The following EPB41L2 variants were observed in gnomAD, a reference collection of about 807,000 sequenced individuals.
EPB41L2 encodes the protein erythrocyte membrane protein band 4.1 like 2.
Under a neutral mutation model 113.0 loss-of-function variants are expected in EPB41L2, and 43 were observed. The observed-to-expected ratio is 0.38, with a 90% CI of 0.30 to 0.49. EPB41L2 has a LOEUF of 0.49. Among genes scored for constraint, EPB41L2 ranks in the 20% least tolerant of loss-of-function variants. The pLI is 0.95. For missense variants in EPB41L2, 1,147 were observed against 1,223.4 expected (o/e 0.94, Z 0.93); for synonymous variants, 442 against 436.7 (o/e 1.01, Z -0.15).
At chr6:130,878,322 C>CA in intron 13 of EPB41L2, 72 bp from the exon 14 acceptor site, 1 of 1,453,092 alleles carries the variant, frequency 6.9e-7, no homozygotes, top group Non-Finnish European at 9.1e-7. Context: ...AAAATAAAAC[C>CA]AAAAAATAAG....
intron 14 of EPB41L2, among the ~76,000 whole-genome samples, chr6:130,877,570 A>G (rs1787966279): frequency 6.6e-6 from 1 of 152,200 alleles, no homozygotes; most frequent in South Asian, 2.1e-4. Context: ...TTTAAAACAC[A>G]ATTCTAACAT....
chr6:131,025,471 T>A (rs781330469), intron 1 of EPB41L2, among the ~76,000 whole-genome samples: 10 of 152,180 alleles, frequency 6.6e-5, no homozygotes, highest in Non-Finnish European at 8.8e-5. Flanking sequence ...TGTACATTTC[T>A]GGCCTTGATC....
intron 3 of EPB41L2, among the ~76,000 whole-genome samples, chr6:130,941,768 T>C (rs1810978085): frequency 1.3e-5 from 2 of 152,200 alleles, no homozygotes; most frequent in Non-Finnish European, 1.5e-5. Context: ...AAATGGCATA[T>C]TCTGCAAATG....
intron 1 of EPB41L2, among the ~76,000 whole-genome samples, chr6:130,961,299 A>G (rs1231091729): frequency 6.6e-6 from 1 of 152,232 alleles, no homozygotes; most frequent in Non-Finnish European, 1.5e-5. Context: ...GGCATGCTCC[A>G]TCTGGGTTGA....
At chr6:130,978,285 C>T (rs1301419081) in intron 1 of EPB41L2, among the ~76,000 whole-genome samples, 4 of 152,218 alleles carry the variant, frequency 2.6e-5, no homozygotes, top group Non-Finnish European at 5.9e-5. Context: ...CAGCTACAAA[C>T]CCAGAGTGTG....
intron 1 of EPB41L2, among the ~76,000 whole-genome samples, chr6:131,029,078 C>A (rs1371570100): frequency 6.6e-6 from 1 of 152,176 alleles, no homozygotes; most frequent in African/African-American, 2.4e-5. Context: ...ACGTTTCAAC[C>A]TTCCCATCTT....
At chr6:130,951,688 T>C (rs892458770) in intron 3 of EPB41L2, among the ~76,000 whole-genome samples, 1 of 152,032 alleles carries the variant, frequency 6.6e-6, no homozygotes, top group African/African-American at 2.4e-5. Flanking sequence ...TAAGCTGTAG[T>C]ACTGTTTTCA....
chr6:131,024,966 T>C (rs2128744238), intron 1 of EPB41L2, among the ~76,000 whole-genome samples: 1 of 152,326 alleles, frequency 6.6e-6, no homozygotes, highest in South Asian at 2.1e-4. Context: ...CTCTCTATTC[T>C]TCATTCTATG....
chr6:130,985,473 G>A (rs188975946), intron 1 of EPB41L2, among the ~76,000 whole-genome samples: 9 of 152,304 alleles, frequency 5.9e-5, no homozygotes, highest in African/African-American at 7.2e-5. Flanking sequence ...ACAAGAACTC[G>A]GGAACCAGTG....
chr6:130,937,755 G>T (rs982214570), intron 3 of EPB41L2, among the ~76,000 whole-genome samples: 2 of 149,796 alleles, frequency 1.3e-5, no homozygotes, highest in African/African-American at 5.0e-5. Context: ...AGCAAAAGTT[G>T]CAGTGAGCCA....
intron 1 of EPB41L2, among the ~76,000 whole-genome samples, chr6:131,023,759 A>AGG: frequency 1.3e-5 from 1 of 79,568 alleles, no homozygotes; most frequent in African/African-American, 5.4e-5. Flanking sequence ...ATATATAGAT[A>AGG]TATAGATATA....
chr6:130,842,493 G>C (rs1485070428), intron 19 of EPB41L2, among the ~76,000 whole-genome samples: 1 of 151,892 alleles, frequency 6.6e-6, no homozygotes, highest in Non-Finnish European at 1.5e-5. Flanking sequence ...TAGTAAATAT[G>C]CATCATTTGT....
In EPB41L2 at chr6:130,923,240, G is replaced by A. The variant is rs73617159; in HGVS notation, c.810+3365C>T. 8.1e-3 allele frequency among the ~76,000 whole-genome samples: 1,227 copies of A among 152,088 alleles called. 26 individuals carry two copies. Among genetic ancestry groups the A allele is most frequent in the African/African-American group, 0.029 (1,184 of 41,458 alleles). On this transcript the variant is annotated intron_variant, in intron 4 of 19. Coordinates refer to ENST00000337057, the MANE Select transcript of EPB41L2 (RefSeq NM_001431.4). ...ACTCAAGGCTACTTTTGTGCTTTGG[G>A]TGTACAGCCCTACTCAAGTCCCCTC...
At chr6:131,006,202 A>G (rs1584462173) in intron 1 of EPB41L2, among the ~76,000 whole-genome samples, 1 of 151,470 alleles carries the variant, frequency 6.6e-6, no homozygotes, top group African/African-American at 2.4e-5. Flanking sequence ...GATTACAGGC[A>G]CCCACCACCA....
intron 1 of EPB41L2, among the ~76,000 whole-genome samples, chr6:130,988,967 T>C (rs908085811): frequency 2.6e-5 from 4 of 152,142 alleles, no homozygotes; most frequent in African/African-American, 9.7e-5. Context: ...TGCATGCCTG[T>C]AGTCCCAGCT....
chr6:130,935,567 C>T (rs551378540), intron 3 of EPB41L2, among the ~76,000 whole-genome samples: 18 of 152,150 alleles, frequency 1.2e-4, no homozygotes, highest in Non-Finnish European at 2.6e-4. Flanking sequence ...AATCCTGCTA[C>T]CAACATTATT....
chr6:130,977,770 TAA>T (rs1364515367), intron 1 of EPB41L2, among the ~76,000 whole-genome samples: 1 of 152,170 alleles, frequency 6.6e-6, no homozygotes, highest in African/African-American at 2.4e-5. Context: ...GCTACACGTA[TAA>T]CATAAAAGTA....
At position 130,848,197 on chromosome 6, in the gene EPB41L2, TCTCA is replaced by T. The variant is rs1158532904; in HGVS notation, c.*6-7603_*6-7600del. Among the ~76,000 whole-genome samples the T allele has an allele frequency of 6.9e-3, 876 of 127,790 alleles. 5 individuals are homozygous for T. The highest frequency in any genetic ancestry group is 0.022 in the African/African-American group (768 of 34,286). 83.8% of individuals were successfully genotyped at this position (127,790 alleles called of 152,430 possible). A position where few individuals can be genotyped will look rare whatever the true frequency, so the allele number is the denominator to read the frequency against. ...GTCTCTCTCTGTCTCTCTCTCTCTC[TCTCA>T]CACACACACACACACACACACACAC... is the stretch of plus-strand genomic sequence containing the variant. On this transcript the variant is annotated intron_variant, in intron 19 of 19. Transcript: ENST00000337057.
At chr6:130,868,722 C>T (rs1784691197) in intron 15 of EPB41L2, 1 of 152,166 alleles carries the variant, frequency 6.6e-6, no homozygotes, top group Admixed American at 6.5e-5. Context: ...GAAATATTCC[C>T]AAGGAAATAA....
Sources: allele counts gnomAD v4.1 joint callset (sites outside exome capture counted in the v4.1 genomes callset), GRCh38; gene constraint gnomAD v4.1.1; transcripts MANE v1.5; gene names NCBI Gene and HGNC (gene_info 2026-07-23, HGNC 2026-07-21).